CWF19L2: variants seen among roughly 807,000 people sequenced by gnomAD.
CWF19L2 encodes the protein CWF19-like protein 2.
Under a neutral mutation model 111.7 loss-of-function variants are expected in CWF19L2, and 98 were observed. That is an observed-to-expected ratio of 0.88 (90% CI 0.75 to 1.04). The LOEUF (loss-of-function observed/expected upper bound fraction) is 1.04. Among genes scored for constraint, CWF19L2 ranks in the 50% least tolerant of loss-of-function variants. CWF19L2 has a pLI of 0.00. For missense variants in CWF19L2, 1,101 were observed against 1,051.4 expected (o/e 1.05, Z -0.65); for synonymous variants, 351 against 342.9 (o/e 1.02, Z -0.26).
chr11:107,360,130 G>C (rs1298382616), intron 12 of CWF19L2, among the ~76,000 whole-genome samples: 1 of 152,086 alleles, frequency 6.6e-6, no homozygotes, highest in Non-Finnish European at 1.5e-5. Context: ...ATTCTTCTGA[G>C]TCTCTATTTT....
chr11:107,393,536 G>C (rs1229567358), intron 10 of CWF19L2, among the ~76,000 whole-genome samples: 2 of 152,094 alleles, frequency 1.3e-5, no homozygotes, highest in African/African-American at 4.8e-5. Context: ...GAATATTAGA[G>C]AATGACAAAG....
At chr11:107,352,151 T>C (rs1860164641) in intron 13 of CWF19L2, among the ~76,000 whole-genome samples, 1 of 152,186 alleles carries the variant, frequency 6.6e-6, no homozygotes, top group African/African-American at 2.4e-5. Context: ...TTTGCTTGTA[T>C]TGTCCTGTAT....
chr11:107,427,368 T>TACATATATATACAC (rs1208550288), intron 8 of CWF19L2, among the ~76,000 whole-genome samples: 2 of 152,060 alleles, frequency 1.3e-5, no homozygotes, highest in Admixed American at 1.3e-4. Context: ...CATGTATACA[T>TACATATATATACAC]ACATATATAT....
At chr11:107,434,832 A>T (rs1861518329) in intron 6 of CWF19L2, among the ~76,000 whole-genome samples, 1 of 152,042 alleles carries the variant, frequency 6.6e-6, no homozygotes, top group Non-Finnish European at 1.5e-5. Flanking sequence ...TAGTGACTAG[A>T]AGGGTCACAA....
At chr11:107,413,244 G>A (rs894955642) in intron 10 of CWF19L2, among the ~76,000 whole-genome samples, 1 of 152,142 alleles carries the variant, frequency 6.6e-6, no homozygotes, top group African/African-American at 2.4e-5. Context: ...TATGGGAAAT[G>A]TGTGTACCTT....
At position 107,429,228 on chromosome 11, in the gene CWF19L2, T is replaced by C. The variant is rs1221723385; in HGVS notation, c.1004A>G (p.Asp335Gly). 6.2e-7 allele frequency: 1 copy of C among 1,612,714 alleles called. No homozygotes were observed. Among genetic ancestry groups the C allele is most frequent in the Non-Finnish European group, 8.5e-7 (1 of 1,179,556 alleles). The change falls in exon 8 of 18, where the codon GAT (aspartate) becomes GGT (glycine). Residue 335 changes from aspartate (D) to glycine (G), a missense_variant. Asp to Gly is a moderately conservative substitution (Grantham distance 94, BLOSUM62 -1). Coordinates refer to ENST00000282251, the MANE Select transcript of CWF19L2 (RefSeq NM_152434.3). ...AGACCCAGGTCTCTTATCTTTTTCA[T>C]CACCAATAAATTTTTCATTATTGCT... ...KNSNNEKFIG[D>G]EKDKRPGSLE...
rs1214032328 is a variant in CWF19L2, at chr11:107,457,809, G to C, written c.8C>G (p.Thr3Arg). 9 of 1,551,424 alleles carry C rather than the reference G, an allele frequency of 5.8e-6. No homozygotes were observed. The Admixed American group carries it at 9.8e-5, about 17-fold the overall frequency. ...TCTACCACTAGCAGCCGCCATACTT[G>C]TTGCCATCGTAAAGCTAAGAAGCCG... MA[T>R]SMAAASGRFE... Residue 3 changes from threonine (T) to arginine (R), a missense_variant, in exon 1 of 18, where the codon ACA becomes AGA. Physicochemically the swap from Thr to Arg is moderately conservative, Grantham distance 71. Coordinates refer to ENST00000282251, the MANE Select transcript of CWF19L2 (RefSeq NM_152434.3).
intron 13 of CWF19L2, 35 bp downstream of exon 13, chr11:107,353,489 G>A (rs374724322): frequency 6.5e-7 from 1 of 1,535,596 alleles, no homozygotes. Flanking sequence ...AAAGTTCTAT[G>A]AGAATGTAAG....
rs1354157012 is a variant in CWF19L2 at position 107,455,711 on chromosome 11, T to C, written c.171A>G (p.Thr57=). The C allele has an allele frequency of 7.7e-6, 12 of 1,551,314 alleles. No individual in the cohort carries two copies. The highest frequency in any genetic ancestry group is 5.5e-5 in the African/African-American group (4 of 73,052). The change falls in exon 2 of 18, where the codon ACA becomes ACG. Residue 57 remains threonine, a synonymous_variant. Coordinates refer to ENST00000282251, the MANE Select transcript of CWF19L2 (RefSeq NM_152434.3). ...KELKRLRGED[T]WMLPDVNERI... ...TCTCATTCACATCAGGTAGCATCCA[T>C]GTATCCTCACCCCGAAGTCGCTTAA...
chr11:107,357,156 G>A (rs1382416050), intron 12 of CWF19L2, among the ~76,000 whole-genome samples: 2 of 152,140 alleles, frequency 1.3e-5, no homozygotes, highest in Admixed American at 1.3e-4. Flanking sequence ...ATCAAAACTG[G>A]TTGGTCTGAA....
chr11:107,443,227 T>C (rs1861656338), intron 3 of CWF19L2, among the ~76,000 whole-genome samples, 178 bp from the exon 4 acceptor site: 1 of 152,182 alleles, frequency 6.6e-6, no homozygotes, highest in South Asian at 2.1e-4. Flanking sequence ...ACACCTGTAA[T>C]CTCAGCACTT....
chr11:107,438,651 T>G (rs931837034), intron 6 of CWF19L2, among the ~76,000 whole-genome samples: 3 of 152,192 alleles, frequency 2.0e-5, no homozygotes, highest in Non-Finnish European at 4.4e-5. Flanking sequence ...TAAAACAATC[T>G]TCCATAGTAC....
chr11:107,349,816 G>T (rs1430960270), intron 13 of CWF19L2, among the ~76,000 whole-genome samples: 1 of 151,936 alleles, frequency 6.6e-6, no homozygotes, highest in Non-Finnish European at 1.5e-5. Context: ...AGTGGACATG[G>T]ATATCTACCT....
In CWF19L2 at chr11:107,367,793, A is replaced by G. The variant is rs1860453503; in HGVS notation, c.1873-14057T>C. Among the ~76,000 whole-genome samples, 2 of 135,190 alleles carry G rather than the reference A, an allele frequency of 1.5e-5. 1 individual carries two copies. Among genetic ancestry groups the G allele is most frequent in the South Asian group, 5.1e-4 (2 of 3,956 alleles). The allele number at this position is 135,190 out of a possible 152,430, so 88.7% of individuals were successfully genotyped here. ...GTATACATATGTAACTAACGTGCAC[A>G]ATGTGCACATGTACCCTAAAACTTA... On this transcript the variant is annotated intron_variant, in intron 12 of 17. Coordinates refer to ENST00000282251, the MANE Select transcript of CWF19L2 (RefSeq NM_152434.3).
At chr11:107,424,315 T>C (rs1246450726) in intron 8 of CWF19L2, among the ~76,000 whole-genome samples, 2 of 151,706 alleles carry the variant, frequency 1.3e-5, no homozygotes, top group Non-Finnish European at 1.5e-5. Flanking sequence ...CTAGCTGTCT[T>C]GCTTCTTCTA....
intron 12 of CWF19L2, 48 bp from the exon 13 acceptor site, chr11:107,353,784 G>T: frequency 3.5e-6 from 5 of 1,412,206 alleles, no homozygotes; most frequent in Non-Finnish European, 4.0e-6. Flanking sequence ...TAGTGATTAA[G>T]ATTTTACTGC....
intron 12 of CWF19L2, among the ~76,000 whole-genome samples, chr11:107,363,010 G>A (rs1327501176): frequency 1.3e-5 from 2 of 152,128 alleles, no homozygotes; most frequent in Non-Finnish European, 2.9e-5. Context: ...CAAGGCTCGA[G>A]AACTACGTGA....
At chr11:107,340,465 G>A (rs982209088) in intron 14 of CWF19L2, among the ~76,000 whole-genome samples, 1 of 152,174 alleles carries the variant, frequency 6.6e-6, no homozygotes, top group African/African-American at 2.4e-5. Context: ...GTCAAATTCA[G>A]TTGAGAATAT....
chr11:107,430,630 G>C (rs568921856), intron 7 of CWF19L2, among the ~76,000 whole-genome samples: 7 of 152,222 alleles, frequency 4.6e-5, no homozygotes, highest in African/African-American at 1.4e-4. Flanking sequence ...CTAAATAACT[G>C]TTCTTGTAGT....
Sources: allele counts gnomAD v4.1 joint callset (sites outside exome capture counted in the v4.1 genomes callset), GRCh38; gene constraint gnomAD v4.1.1; transcripts MANE v1.5; gene names NCBI Gene and HGNC (gene_info 2026-07-23, HGNC 2026-07-21).